The following GALNT13 variants were observed in gnomAD, a reference collection of about 807,000 sequenced individuals.
GALNT13 encodes UDP-GalNAc:polypeptide N-acetylgalactosaminyltransferase 13.
GALNT13 carries 28 observed loss-of-function variants against 64.2 expected under a neutral mutation model. The ratio of observed to expected loss-of-function variants is 0.44; its 90% CI spans 0.32 to 0.60. The LOEUF (loss-of-function observed/expected upper bound fraction) is 0.60, where lower values mean the gene tolerates loss of function less well. Ranked by LOEUF, GALNT13 falls within the 20% of genes least tolerant of loss-of-function variation. The pLI is 0.05. For synonymous variants in GALNT13, 214 were observed against 224.6 expected, an observed-to-expected ratio of 0.95 and a Z score of 0.42; for missense variants, 577 against 669.8, an observed-to-expected ratio of 0.86 and a Z score of 1.53.
the GALNT13 span, among the ~76,000 whole-genome samples, chr2:153,517,932 C>T: frequency 5.3e-5 from 8 of 152,224 alleles, no homozygotes; most frequent in African/African-American, 1.9e-4. Flanking sequence ...AGGTAAACAT[C>T]CCCAATAAGA....
chr2:153,325,528 A>G, the GALNT13 span, among the ~76,000 whole-genome samples: 1 of 151,574 alleles, frequency 6.6e-6, no homozygotes, highest in Non-Finnish European at 1.5e-5. Context: ...CTATTTCTTG[A>G]TTTCTGCTAG....
chr2:153,221,853 G>A, the GALNT13 span, among the ~76,000 whole-genome samples: 1 of 152,202 alleles, frequency 6.6e-6, no homozygotes, highest in Admixed American at 6.5e-5. Context: ...ACCTGCATCT[G>A]GATGAAGGGA....
the GALNT13 span, among the ~76,000 whole-genome samples, chr2:153,107,532 C>T: frequency 6.6e-6 from 1 of 151,978 alleles, no homozygotes; most frequent in Non-Finnish European, 1.5e-5. Flanking sequence ...ATATTTCAAG[C>T]AGCAGAAAAG....
chr2:154,028,742 G>A (rs1346256369), intron 3 of GALNT13, among the ~76,000 whole-genome samples: 2 of 151,952 alleles, frequency 1.3e-5, no homozygotes, highest in African/African-American at 4.8e-5. Flanking sequence ...TTTTCATAAG[G>A]ACATATATGA....
intron 12 of GALNT13, among the ~76,000 whole-genome samples, chr2:154,449,544 A>G (rs1701776183): frequency 6.6e-6 from 1 of 151,748 alleles, no homozygotes; most frequent in Admixed American, 6.6e-5. Context: ...TCATACATTC[A>G]AATACTTCGC....
At chr2:153,443,210 T>C in the GALNT13 span, among the ~76,000 whole-genome samples, 4 of 152,210 alleles carry the variant, frequency 2.6e-5, no homozygotes, top group African/African-American at 9.6e-5. Context: ...GTTTTGCGGA[T>C]TGCAAACACT....
the GALNT13 span, among the ~76,000 whole-genome samples, chr2:153,482,769 C>T: frequency 6.9e-6 from 1 of 144,606 alleles, no homozygotes; most frequent in African/African-American, 2.5e-5. Flanking sequence ...CGCACCCAGC[C>T]TTTTTTTTTT....
chr2:153,692,757 ATAT>A, the GALNT13 span, among the ~76,000 whole-genome samples: 34 of 152,162 alleles, frequency 2.2e-4, no homozygotes, highest in African/African-American at 8.2e-4. Flanking sequence ...CATTCCACAT[ATAT>A]TGAGGGCATA....
intron 4 of GALNT13, among the ~76,000 whole-genome samples, chr2:154,149,196 A>G (rs901592280): frequency 6.6e-6 from 1 of 152,164 alleles, no homozygotes; most frequent in Non-Finnish European, 1.5e-5. Context: ...TCCTTTCCCC[A>G]TTGCTTATTT....
the GALNT13 span, among the ~76,000 whole-genome samples, chr2:153,254,642 G>A: frequency 2.0e-5 from 3 of 152,052 alleles, no homozygotes; most frequent in African/African-American, 7.2e-5. Context: ...TGCTTTGGAT[G>A]TGTCCCAGAG....
At chr2:153,736,933 G>A in the GALNT13 span, among the ~76,000 whole-genome samples, 10 of 152,204 alleles carry the variant, frequency 6.6e-5, no homozygotes, top group East Asian at 1.7e-3. Context: ...ATCAACCTCT[G>A]ACATTCTATG....
the GALNT13 span, among the ~76,000 whole-genome samples, chr2:153,128,859 A>G: frequency 1.3e-5 from 2 of 152,012 alleles, no homozygotes; most frequent in African/African-American, 4.8e-5. Context: ...TGTGCAAGAA[A>G]ACTTCCCCTT....
chr2:153,373,417 A>G, the GALNT13 span, among the ~76,000 whole-genome samples: 1 of 152,202 alleles, frequency 6.6e-6, no homozygotes, highest in Admixed American at 6.5e-5. Context: ...TTTTTATCAC[A>G]GTATCAAATA....
the GALNT13 span, among the ~76,000 whole-genome samples, chr2:153,805,136 A>T: frequency 6.6e-6 from 1 of 151,978 alleles, no homozygotes; most frequent in African/African-American, 2.4e-5. Flanking sequence ...AGAAAAATTT[A>T]AAAAGAAATG....
At chr2:154,213,362 G>A (rs1190903111) in intron 4 of GALNT13, among the ~76,000 whole-genome samples, 1 of 152,168 alleles carries the variant, frequency 6.6e-6, no homozygotes, top group African/African-American at 2.4e-5. Context: ...TTACAAGTAT[G>A]AGCCACTCTG....
At chr2:153,853,843 G>A in the GALNT13 span, among the ~76,000 whole-genome samples, 2 of 151,382 alleles carry the variant, frequency 1.3e-5, no homozygotes, top group Admixed American at 1.3e-4. Context: ...GCAGAATAAT[G>A]GTTTCCTAGG....
At chr2:153,312,653 C>G in the GALNT13 span, among the ~76,000 whole-genome samples, 1 of 152,112 alleles carries the variant, frequency 6.6e-6, no homozygotes, top group Non-Finnish European at 1.5e-5. Context: ...GGTTAATGTC[C>G]TTACATCAGC....
At chr2:153,693,217 C>T in the GALNT13 span, among the ~76,000 whole-genome samples, 1 of 152,134 alleles carries the variant, frequency 6.6e-6, no homozygotes, top group Non-Finnish European at 1.5e-5. Flanking sequence ...GTTAGGAGTG[C>T]TGTCTATGAT....
the GALNT13 span, among the ~76,000 whole-genome samples, chr2:153,156,543 T>C: frequency 6.6e-6 from 1 of 152,182 alleles, no homozygotes; most frequent in Admixed American, 6.6e-5. Context: ...TCGTTTTCAC[T>C]ATTCCCCTAA....
Sources: gnomAD v4.1 joint callset for allele counts (sites outside exome capture counted in the v4.1 genomes callset) on GRCh38, gnomAD v4.1.1 for gene constraint, MANE v1.5 for transcripts, NCBI Gene and HGNC (gene_info 2026-07-23, HGNC 2026-07-21) for gene names.